ARHGAP23: variants seen among roughly 807,000 people sequenced by gnomAD.
ARHGAP23 encodes the protein rho GTPase-activating protein 23.
Under a neutral mutation model 136.3 loss-of-function variants are expected in ARHGAP23, and 34 were observed. That is an observed-to-expected ratio of 0.25 (90% confidence interval 0.19 to 0.33). The LOEUF (loss-of-function observed/expected upper bound fraction) is 0.33. Among genes scored for constraint, ARHGAP23 ranks in the 10% least tolerant of loss-of-function variants. ARHGAP23 has a pLI of 1.00. For missense variants in ARHGAP23, 1,808 were observed against 2,139.0 expected (o/e 0.85, Z 3.05); for synonymous variants, 832 against 920.5 (o/e 0.90, Z 1.74).
chr17:38,455,845 G>A (rs2039311834), intron 1 of ARHGAP23, among the ~76,000 whole-genome samples: 1 of 152,190 alleles, frequency 6.6e-6, no homozygotes, highest in Non-Finnish European at 1.5e-5. Context: ...AGAATTCCCA[G>A]AGAATTTTCT....
At position 38,510,299 on chromosome 17, in the gene ARHGAP23, G is replaced by A. The variant is rs1467356604; in HGVS notation, c.3803G>A (p.Arg1268Gln). The A allele has an allele frequency of 2.3e-6, 3 of 1,282,080 alleles. No individual in the cohort carries two copies. The highest frequency in any genetic ancestry group is 2.0e-6 in the Non-Finnish European group (2 of 1,014,910). 79.4% of individuals were successfully genotyped at this position (1,282,080 alleles called of 1,614,324 possible). Residue 1268 changes from arginine (R) to glutamine (Q), a missense_variant, in exon 24 of 24, where the codon CGG becomes CAG. By Grantham distance (43) the Arg-to-Gln change is conservative. Coordinates refer to ENST00000622683, the MANE Select transcript of ARHGAP23 (RefSeq NM_001199417.2). This position sits in a 1 kb window ranked among gnomAD's most constrained non-coding sequence, Gnocchi z 4.6. The stretch of plus-strand genomic sequence containing the variant: ...GTGTGCTCGGGCGCTAGCGGTCGGC[G>A]GGCAGGGGCGGGGGATGAGGCGGAC... ...RSVCSGASGR[R>Q]AGAGDEADDE...
intron 20 of ARHGAP23, among the ~76,000 whole-genome samples, chr17:38,493,675 G>A (rs182868995): frequency 1.3e-5 from 2 of 152,352 alleles, no homozygotes; most frequent in Non-Finnish European, 2.9e-5. Context: ...CTAGCCTGGA[G>A]GCTCCATAGC....
At chr17:38,424,348 G>C (rs979029956), upstream of ARHGAP23, among the ~76,000 whole-genome samples, 1 of 152,088 alleles carries the variant, frequency 6.6e-6, no homozygotes, top group African/African-American at 2.4e-5. Flanking sequence ...CACCTGTGCT[G>C]CCTGCCTGTC....
chr17:38,420,591 G>A (rs952613283), intron 1 of ARHGAP23, among the ~76,000 whole-genome samples: 4 of 152,138 alleles, frequency 2.6e-5, no homozygotes, highest in African/African-American at 9.7e-5. Context: ...GAGGAGTCGG[G>A]GGAGGTGGAG....
At chr17:38,450,825 T>C (rs1239201097) in intron 1 of ARHGAP23, 1 of 152,232 alleles carries the variant, frequency 6.6e-6, no homozygotes, top group African/African-American at 2.4e-5. Flanking sequence ...AATGATCTCT[T>C]GGAAGGAGGG....
intron 20 of ARHGAP23, among the ~76,000 whole-genome samples, chr17:38,492,192 C>T (rs1418986723): frequency 6.6e-6 from 1 of 152,172 alleles, no homozygotes; most frequent in African/African-American, 2.4e-5. Context: ...CAGCAGAGGG[C>T]GCAGAAGGCC....
chr17:38,471,725 G>T, intron 10 of ARHGAP23, 138 bp from the exon 11 acceptor site: 1 of 975,400 alleles, frequency 1.0e-6, no homozygotes. Flanking sequence ...GACAAGCAAT[G>T]CCCATGAGGT....
At chr17:38,435,051 T>C (rs1268760126) in intron 1 of ARHGAP23, among the ~76,000 whole-genome samples, 2 of 152,230 alleles carry the variant, frequency 1.3e-5, no homozygotes, top group Non-Finnish European at 2.9e-5. Context: ...CTTCCTTTGC[T>C]TCAGCTGGAG....
chr17:38,479,579 T>G (rs1387778799), intron 13 of ARHGAP23, 82 bp downstream of exon 13: 1 of 1,474,392 alleles, frequency 6.8e-7, no homozygotes, highest in Non-Finnish European at 9.3e-7. Context: ...CTGGCCCACC[T>G]CCAGGGCTGC....
At chr17:38,493,439 A>G (rs1041691078) in intron 20 of ARHGAP23, among the ~76,000 whole-genome samples, 1 of 151,640 alleles carries the variant, frequency 6.6e-6, no homozygotes, top group Non-Finnish European at 1.5e-5. Flanking sequence ...CGATCCTCCC[A>G]TCTCGGCCTC....
Position 38,479,891 on chromosome 17 carries a change from G to T in ARHGAP23, c.2629+8G>T. On this transcript the variant is annotated splice_region_variant and intron_variant, in intron 14 of 23. Coordinates refer to ENST00000622683, the MANE Select transcript of ARHGAP23 (RefSeq NM_001199417.2). ...TGCCCGCAGGGAGCAAGGGTAGGAA[G>T]GTGGCCACTGAGACAGGGTGGTGTG... 1.3e-6 allele frequency: 2 copies of T among 1,545,962 alleles called. No individual in the cohort carries two copies. The highest frequency in any genetic ancestry group is 1.7e-6 in the Non-Finnish European group (2 of 1,145,302).
At position 38,498,432 on chromosome 17, in the gene ARHGAP23, G is replaced by A. The variant is rs1194840056; in HGVS notation, c.3337G>A (p.Glu1113Lys). 3.9e-6 allele frequency: 6 copies of A among 1,548,102 alleles called. No homozygotes were observed. The highest frequency in any genetic ancestry group is 3.9e-5 in the Admixed American group (2 of 50,888). Reference protein sequence around the residue: ...KGERTPVGDKEPQAVPNIEYL... With the variant: ...KGERTPVGDKKPQAVPNIEYL... Reference sequence around the variant, plus strand: ...TTCGCAGACCCCTGTGGGCGACAAGGAGCCTCAGGCAGTGCCCAACATTGA... The same window carrying A: ...TTCGCAGACCCCTGTGGGCGACAAGAAGCCTCAGGCAGTGCCCAACATTGA... The change falls in exon 22 of 24, where the codon GAG becomes AAG. Residue 1113 changes from glutamate (E) to lysine (K), a missense_variant. Physicochemically the swap from Glu to Lys is moderately conservative, Grantham distance 56 (BLOSUM62 1). Coordinates refer to ENST00000622683, the MANE Select transcript of ARHGAP23 (RefSeq NM_001199417.2).
Position 38,482,692 on chromosome 17 carries a change from G to T in ARHGAP23, c.2907+14G>T. 6.5e-7 allele frequency: 1 copy of T among 1,543,366 alleles called. No homozygotes were observed. On this transcript the variant is annotated intron_variant, in intron 16 of 23. Coordinates refer to ENST00000622683, the MANE Select transcript of ARHGAP23 (RefSeq NM_001199417.2). ...CTGCAGGATGAGGTGGGTGAAGCTG[G>T]GGGGTCTGTGGAAGAGGGGCTGAGA...
chr17:38,506,666 C>T (rs1597854740), intron 23 of ARHGAP23, among the ~76,000 whole-genome samples: 1 of 152,310 alleles, frequency 6.6e-6, no homozygotes, highest in South Asian at 2.1e-4. Context: ...CAAGAGAGCC[C>T]AAGCCCTCTG....
intron 16 of ARHGAP23, among the ~76,000 whole-genome samples, chr17:38,483,855 G>A (rs959391678): frequency 2.0e-5 from 3 of 152,174 alleles, no homozygotes; most frequent in East Asian, 3.9e-4. Context: ...GGTGTGAGAC[G>A]ATGGCATTTT....
intron 23 of ARHGAP23, among the ~76,000 whole-genome samples, 167 bp from the exon 24 acceptor site, chr17:38,509,777 C>CTGGAG: frequency 6.6e-6 from 1 of 152,158 alleles, no homozygotes; most frequent in Middle Eastern, 3.4e-3. Flanking sequence ...GGACGGAGGG[C>CTGGAG]GGCACGGGGC....
intron 1 of ARHGAP23, among the ~76,000 whole-genome samples, chr17:38,444,059 A>G (rs1182192390): frequency 6.6e-6 from 1 of 152,076 alleles, no homozygotes; most frequent in South Asian, 2.1e-4. Flanking sequence ...GTCTAGTCTG[A>G]AAAGGGGCTC....
chr17:38,507,355 G>A (rs1257464932), intron 23 of ARHGAP23, among the ~76,000 whole-genome samples: 6 of 151,922 alleles, frequency 3.9e-5, no homozygotes, highest in Non-Finnish European at 8.8e-5. Flanking sequence ...TGGAGCCCCT[G>A]CCTGCACCTG....
chr17:38,463,448 G>A (rs1446873189), intron 6 of ARHGAP23, 66 bp downstream of exon 6: 2 of 1,532,658 alleles, frequency 1.3e-6, no homozygotes, highest in Non-Finnish European at 8.8e-7. Flanking sequence ...GCTCCCCTGG[G>A]AGGCAGAGAA....
Sources: allele counts gnomAD v4.1 joint callset (sites outside exome capture counted in the v4.1 genomes callset), GRCh38; gene constraint gnomAD v4.1.1; non-coding constraint Gnocchi (gnomAD v3.1); transcripts MANE v1.5; gene names NCBI Gene and HGNC (gene_info 2026-07-23, HGNC 2026-07-21).